HCRT: variants seen among roughly 807,000 people sequenced by gnomAD.
HCRT encodes hypocretin (orexin) neuropeptide.
A neutral mutation model predicts 5.7 loss-of-function variants in HCRT; 5 were observed. The ratio of observed to expected loss-of-function variants is 0.87; its 90% CI spans 0.45 to 1.83. The LOEUF is 1.83. Among genes scored for constraint, HCRT ranks in the 40% most tolerant of loss-of-function variants. HCRT has a pLI of 0.02. For missense variants in HCRT, 207 were observed against 191.8 expected, an observed-to-expected ratio of 1.08 and a Z score of -0.47; for synonymous variants, 114 against 99.0, an observed-to-expected ratio of 1.15 and a Z score of -0.90.
Position 42,185,388 on chromosome 17 carries a change from G to A in HCRT, c.-23C>T, listed in dbSNP as rs1340037533. 3.1e-6 allele frequency: 5 copies of A among 1,613,542 alleles called. No individual in the cohort carries two copies. The highest frequency in any genetic ancestry group is 4.2e-6 in the Non-Finnish European group (5 of 1,179,566). On this transcript the variant is annotated 5_prime_UTR_variant, in exon 1 of 2. Transcript: ENST00000293330. ...CATGGTGTCTGGCGCTCAGGGTGGGGTAGCCGGGAAAGGAGATGTCTGTGG... is the reference window on the plus strand; with the variant it reads ...CATGGTGTCTGGCGCTCAGGGTGGGATAGCCGGGAAAGGAGATGTCTGTGG...
chr17:42,185,275 A>T, intron 1 of HCRT, 70 bp downstream of exon 1: 1 of 1,475,182 alleles, frequency 6.8e-7, no homozygotes, highest in Non-Finnish European at 9.5e-7. Context: ...CCTTTCTTCC[A>T]GCCCTCTGAG....
rs1374770500 is a variant in HCRT at position 42,184,185 on chromosome 17, G to A, written c.365C>T (p.Ser122Phe). Residue 122 changes from serine (S) to phenylalanine (F), a missense_variant, in exon 2 of 2, where the codon TCC becomes TTC. By Grantham distance (155) the Ser-to-Phe change is radical. Coordinates refer to ENST00000293330, the MANE Select transcript of HCRT (RefSeq NM_001524.1). ...CCCGGACTGTCCTCCGGGCGCGACGGAGGCGGCGGCCGGGGCGGAACAGCG... is the reference window on the plus strand; with the variant it reads ...CCCGGACTGTCCTCCGGGCGCGACGAAGGCGGCGGCCGGGGCGGAACAGCG... ...GRRCSAPAAA[S>F]VAPGGQSGI 1.6e-6 allele frequency: 2 copies of A among 1,283,366 alleles called. No homozygotes were observed. The highest frequency in any genetic ancestry group is 2.0e-6 in the Non-Finnish European group (2 of 1,015,956). 79.5% of individuals were successfully genotyped at this position (1,283,366 alleles called of 1,614,324 possible).
chr17:42,184,219 G>A lies in HCRT; in HGVS notation c.331C>T (p.Leu111Phe), dbSNP rs1294668558. 1.5e-6 allele frequency: 2 copies of A among 1,317,790 alleles called. No individual in the cohort carries two copies. The highest frequency in any genetic ancestry group is 3.1e-5 in the East Asian group (1 of 32,026). The allele number at this position is 1,317,790 out of a possible 1,614,324, so 81.6% of individuals were successfully genotyped here. Residue 111 changes from leucine (L) to phenylalanine (F), a missense_variant, in exon 2 of 2, where the codon CTC becomes TTC. By Grantham distance (22) the Leu-to-Phe change is conservative. Coordinates refer to ENST00000293330, the MANE Select transcript of HCRT (RefSeq NM_001524.1). ...GCCGGGGCGGAACAGCGGCGCCCGA[G>A]GCAGGGGCGCGGCGCTGGCTCTGCG... Reference protein sequence around the residue: ...AGAEPAPRPCLGRRCSAPAAA... With the variant: ...AGAEPAPRPCFGRRCSAPAAA...
At position 42,185,362 on chromosome 17, in the gene HCRT, T is replaced by C. The variant is rs1327645071; in HGVS notation, c.4A>G (p.Asn2Asp). The C allele has an allele frequency of 6.2e-7, 1 of 1,614,022 alleles. No individual in the cohort carries two copies. The highest frequency in any genetic ancestry group is 1.7e-5 in the Admixed American group (1 of 60,018). Residue 2 changes from asparagine to aspartate, a missense_variant, in exon 1 of 2, where the codon AAC becomes GAC. Physicochemically the swap from Asn to Asp is conservative, Grantham distance 23 (BLOSUM62 1). Coordinates refer to ENST00000293330, the MANE Select transcript of HCRT (RefSeq NM_001524.1). ...ATCTTTACCTTTGTGGAAGGAAGGT[T>C]CATGGTGTCTGGCGCTCAGGGTGGG... M[N>D]LPSTKVSWAA...
Position 42,184,350 on chromosome 17 carries a change from C to G in HCRT, c.200G>C (p.Gly67Ala). The G allele has an allele frequency of 4.4e-6, 7 of 1,584,454 alleles. No homozygotes were observed. Among genetic ancestry groups the G allele is most frequent in the Non-Finnish European group, 6.0e-6 (7 of 1,170,670 alleles). The part of the protein sequence containing the change: ...GNHAAGILTL[G>A]KRRSGPPGLQ... ...GCCCGGGGGCCCGGACCTCCGCTTGCCCAGCGTGAGGATGCCGGCCGCGTG... is the reference window on the plus strand; with the variant it reads ...GCCCGGGGGCCCGGACCTCCGCTTGGCCAGCGTGAGGATGCCGGCCGCGTG... Residue 67 changes from glycine (G) to alanine (A), a missense_variant, in exon 2 of 2, where the codon GGC (glycine) becomes GCC (alanine). Transcript: ENST00000293330.
chr17:42,184,551 C>A (rs748356057), intron 1 of HCRT, 23 bp from the exon 2 acceptor site: 77 of 1,470,602 alleles, frequency 5.2e-5, no homozygotes, highest in Non-Finnish European at 6.9e-5. Context: ...AGACAGGGCG[C>A]TGGGGGGGTC....
At chr17:42,185,244 C>A in intron 1 of HCRT, 101 bp downstream of exon 1, 1 of 1,149,100 alleles carries the variant, frequency 8.7e-7, no homozygotes, top group Non-Finnish European at 1.3e-6. Context: ...AGGAAAAGAC[C>A]AAGAGTGGAG....
At position 42,184,132 on chromosome 17, in the gene HCRT, A is replaced by G; in HGVS notation, c.*22T>C. 7.8e-7 allele frequency: 1 copy of G among 1,274,516 alleles called. No individual in the cohort carries two copies. The highest frequency in any genetic ancestry group is 3.1e-5 in the South Asian group (1 of 31,830). The allele number at this position is 1,274,516 out of a possible 1,614,324, so 79.0% of individuals were successfully genotyped here. A position where few individuals can be genotyped will look rare whatever the true frequency, so the allele number is the denominator to read the frequency against. ...TGGGCAGAGGGCAGAGGCCTGGGCC[A>G]GGACAGGGCCCGAAGAACGACTCAG... On this transcript the variant is annotated 3_prime_UTR_variant, in exon 2 of 2. Coordinates refer to ENST00000293330, the MANE Select transcript of HCRT (RefSeq NM_001524.1).
In HCRT at chr17:42,184,469, C is replaced by T. The variant is rs1484747224; in HGVS notation, c.81G>A (p.Leu27=). ...LLLLLLPPAL[L]SSGAAAQPLP... ...GGGGCTGTGCAGCCGCCCCGGACGACAACAGCGCGGGCGGCAGCAGCAGCA... is the reference window on the plus strand; with the variant it reads ...GGGGCTGTGCAGCCGCCCCGGACGATAACAGCGCGGGCGGCAGCAGCAGCA... The change falls in exon 2 of 2, where the codon TTG becomes TTA. Residue 27 remains leucine (L), a synonymous_variant. Transcript: ENST00000293330. 6.3e-7 allele frequency: 1 copy of T among 1,590,014 alleles called. No homozygotes were observed.
intron 1 of HCRT, 51 bp downstream of exon 1, chr17:42,185,294 C>T: frequency 1.3e-6 from 2 of 1,579,786 alleles, no homozygotes; most frequent in Non-Finnish European, 1.7e-6. Flanking sequence ...AGCAAGCACT[C>T]TTTTTGCTTC....
At chr17:42,185,194 A>C in intron 1 of HCRT, 151 bp downstream of exon 1, 1 of 738,726 alleles carries the variant, frequency 1.4e-6, no homozygotes, top group Non-Finnish European at 2.4e-6. Flanking sequence ...ACCCAACCCA[A>C]TGTGAGCCAA....
chr17:42,184,621 C>A, intron 1 of HCRT, 93 bp from the exon 2 acceptor site: 1 of 1,423,968 alleles, frequency 7.0e-7, no homozygotes, highest in African/African-American at 1.5e-5. Flanking sequence ...GCTCCGCGCC[C>A]CCTCCAAGCC....
rs754595506 is a variant in HCRT at position 42,184,438 on chromosome 17, C to A, written c.112G>T (p.Asp38Tyr). 1.3e-6 allele frequency: 2 copies of A among 1,597,744 alleles called. No individual in the cohort carries two copies. Among genetic ancestry groups the A allele is most frequent in the African/African-American group, 1.3e-5 (1 of 74,546 alleles). ...SSGAAAQPLP[D>Y]CCRQKTCSCR... is the part of the protein sequence containing the mutation. ...GAGCAAGTCTTTTGACGACAGCAGT[C>A]GGGCAGGGGCTGTGCAGCCGCCCCG... The change falls in exon 2 of 2, where the codon GAC becomes TAC. Residue 38 changes from aspartate to tyrosine, a missense_variant. Coordinates refer to ENST00000293330, the MANE Select transcript of HCRT (RefSeq NM_001524.1).
Position 42,185,367 on chromosome 17 carries a change from G to T in HCRT, c.-2C>A. The T allele has an allele frequency of 6.2e-7, 1 of 1,614,062 alleles. No individual in the cohort carries two copies. The highest frequency in any genetic ancestry group is 8.5e-7 in the Non-Finnish European group (1 of 1,179,918). ...TACCTTTGTGGAAGGAAGGTTCATGGTGTCTGGCGCTCAGGGTGGGGTAGC... is the reference window on the plus strand; with the variant it reads ...TACCTTTGTGGAAGGAAGGTTCATGTTGTCTGGCGCTCAGGGTGGGGTAGC... On this transcript the variant is annotated 5_prime_UTR_variant, in exon 1 of 2. Transcript: ENST00000293330.
Position 42,184,216 on chromosome 17 carries a change from C to A in HCRT, c.334G>T (p.Gly112Trp), listed in dbSNP as rs548838330. 541 of 1,303,666 alleles carry A rather than the reference C, an allele frequency of 4.1e-4. No homozygotes were observed. Among genetic ancestry groups the A allele is most frequent in the Non-Finnish European group, 4.9e-4 (507 of 1,029,714 alleles). 80.8% of individuals were successfully genotyped at this position (1,303,666 alleles called of 1,614,324 possible). ...GAEPAPRPCL[G>W]RRCSAPAAAS... is the part of the protein sequence containing the mutation. The stretch of plus-strand genomic sequence containing the variant: ...GCGGCCGGGGCGGAACAGCGGCGCC[C>A]GAGGCAGGGGCGCGGCGCTGGCTCT... Residue 112 changes from glycine to tryptophan, a missense_variant, in exon 2 of 2, where the codon GGG becomes TGG. Transcript: ENST00000293330.
intron 1 of HCRT, among the ~76,000 whole-genome samples, chr17:42,184,883 C>CG (rs936890697): frequency 5.3e-5 from 8 of 152,234 alleles, no homozygotes; most frequent in Middle Eastern, 3.4e-3. Flanking sequence ...GGGAAAAACC[C>CG]GGGCCCTACT....
At position 42,184,274 on chromosome 17, in the gene HCRT, C is replaced by T; in HGVS notation, c.276G>A (p.Ala92=). 6.9e-7 allele frequency: 1 copy of T among 1,439,578 alleles called. No individual in the cohort carries two copies. Among genetic ancestry groups the T allele is most frequent in the Non-Finnish European group, 9.1e-7 (1 of 1,099,794 alleles). 89.2% of individuals were successfully genotyped at this position (1,439,578 alleles called of 1,614,324 possible). Residue 92 remains alanine (A), a synonymous_variant, in exon 2 of 2, where the codon GCG becomes GCA. Transcript: ENST00000293330. ...RLLQASGNHA[A]GILTMGRRAG... ...CGCGGCGGCCCATGGTCAGGATGCCCGCGGCGTGGTTGCCGCTGGCCTGCA... is the reference window on the plus strand; with the variant it reads ...CGCGGCGGCCCATGGTCAGGATGCCTGCGGCGTGGTTGCCGCTGGCCTGCA...
At chr17:42,184,625 C>T (rs1032981722) in intron 1 of HCRT, 97 bp from the exon 2 acceptor site, 3 of 1,422,942 alleles carry the variant, frequency 2.1e-6, no homozygotes, top group Non-Finnish European at 2.8e-6. Flanking sequence ...CGCGCCCCCT[C>T]CAAGCCTGCA....
In HCRT at chr17:42,184,155, C is replaced by G; in HGVS notation, c.395G>C (p.Ter132SerextTer?). ...SVAPGGQSGI[*>S] ...CCAGGACAGGGCCCGAAGAACGACT[C>G]AGATCCCGGACTGTCCTCCGGGCGC... Residue 132 changes from the stop codon to serine (S), a stop_lost, in exon 2 of 2, where the codon TGA becomes TCA. Transcript: ENST00000293330. 6 of 1,284,622 alleles carry G rather than the reference C, an allele frequency of 4.7e-6. No homozygotes were observed. Among genetic ancestry groups the G allele is most frequent in the Non-Finnish European group, 4.9e-6 (5 of 1,014,606 alleles). The allele number at this position is 1,284,622 out of a possible 1,614,324, so 79.6% of individuals were successfully genotyped here.
Sources: gnomAD v4.1 joint callset for allele counts (sites outside exome capture counted in the v4.1 genomes callset) on GRCh38, gnomAD v4.1.1 for gene constraint, MANE v1.5 for transcripts, NCBI Gene and HGNC (gene_info 2026-07-23, HGNC 2026-07-21) for gene names.